The following ZNF804B variants were observed in gnomAD, a reference collection of about 807,000 sequenced individuals.
The protein encoded by ZNF804B is zinc finger 804B.
In ZNF804B, 80 loss-of-function variants were observed where a neutral mutation model predicts 101.4. The ratio of observed to expected loss-of-function variants is 0.79; its 90% confidence interval spans 0.66 to 0.95. ZNF804B has a LOEUF of 0.95. ZNF804B is among the 40% of genes least tolerant of loss of function. ZNF804B has a pLI of 0.00. For synonymous variants in ZNF804B, 622 were observed against 558.8 expected, an observed-to-expected ratio of 1.11 and a Z score of -1.59; for missense variants, 1,673 against 1,561.9, an observed-to-expected ratio of 1.07 and a Z score of -1.20.
At chr7:88,838,349 C>T (rs1053853880) in intron 1 of ZNF804B, among the ~76,000 whole-genome samples, 5 of 151,820 alleles carry the variant, frequency 3.3e-5, no homozygotes, top group African/African-American at 7.2e-5. Flanking sequence ...CAGACTGTCT[C>T]TCAAGTTTGT....
At chr7:89,132,893 C>T (rs937435735) in intron 1 of ZNF804B, among the ~76,000 whole-genome samples, 2 of 152,018 alleles carry the variant, frequency 1.3e-5, no homozygotes, top group African/African-American at 4.8e-5. Flanking sequence ...CATCATTTCT[C>T]TCACTTTAGA....
At chr7:89,290,618 C>A (rs534286665) in intron 2 of ZNF804B, among the ~76,000 whole-genome samples, 1 of 152,116 alleles carries the variant, frequency 6.6e-6, no homozygotes, top group African/African-American at 2.4e-5. Context: ...GCCATTACAC[C>A]TTTGGTAGTA....
intron 1 of ZNF804B, among the ~76,000 whole-genome samples, chr7:88,915,662 A>T (rs186589195): frequency 6.6e-6 from 1 of 152,066 alleles, no homozygotes; most frequent in East Asian, 1.9e-4. Flanking sequence ...TATTTTCAAT[A>T]GACAGAACTT....
intron 1 of ZNF804B, among the ~76,000 whole-genome samples, chr7:89,021,034 T>C (rs1788658697): frequency 6.6e-6 from 1 of 152,158 alleles, no homozygotes; most frequent in African/African-American, 2.4e-5. Context: ...TGCTTTTTAA[T>C]ATCTGAGGCA....
intron 1 of ZNF804B, among the ~76,000 whole-genome samples, chr7:89,092,373 G>T (rs185985220): frequency 1.4e-5 from 2 of 146,218 alleles, no homozygotes; most frequent in African/African-American, 5.1e-5. Flanking sequence ...GTTATACTTT[G>T]GATTTTACTC....
intron 2 of ZNF804B, among the ~76,000 whole-genome samples, chr7:89,290,431 T>C (rs1790271187): frequency 6.6e-6 from 1 of 152,148 alleles, no homozygotes; most frequent in Non-Finnish European, 1.5e-5. Context: ...GATTTCAAGC[T>C]TTGACTCTTT....
chr7:88,834,546 C>A (rs1015108771), intron 1 of ZNF804B, among the ~76,000 whole-genome samples: 2 of 151,364 alleles, frequency 1.3e-5, no homozygotes, highest in African/African-American at 4.8e-5. Context: ...CTTATGAACC[C>A]CTTCTGAGAT....
At position 89,171,277 on chromosome 7, in the gene ZNF804B, A is replaced by ATGC. The variant is rs55857746; in HGVS notation, c.109-46867_109-46865dup. 3.3e-3 allele frequency among the ~76,000 whole-genome samples: 364 copies of ATGC among 110,304 alleles called. 5 individuals are homozygous for ATGC. Among genetic ancestry groups the ATGC allele is most frequent in the South Asian group, 0.012 (36 of 3,060 alleles). 72.4% of individuals were successfully genotyped at this position (110,304 alleles called of 152,430 possible). Reference sequence around the variant, plus strand: ...TAACTCAATGAAGTAGGCACAAATAATGCTGCTGCTGCTTCTTCTTCTTCT... The same window carrying ATGC: ...TAACTCAATGAAGTAGGCACAAATAATGCTGCTGCTGCTGCTTCTTCTTCTTCT... On this transcript the variant is annotated intron_variant, in intron 1 of 3. Coordinates refer to ENST00000333190, the MANE Select transcript of ZNF804B (RefSeq NM_181646.5).
chr7:89,090,420 G>T (rs1789866283), intron 1 of ZNF804B, among the ~76,000 whole-genome samples: 1 of 152,082 alleles, frequency 6.6e-6, no homozygotes, highest in Admixed American at 6.6e-5. Context: ...GATGTGATTA[G>T]TTAGTTCCTC....
chr7:89,266,936 A>T (rs1429880435), intron 2 of ZNF804B, among the ~76,000 whole-genome samples: 1 of 151,702 alleles, frequency 6.6e-6, no homozygotes, highest in Non-Finnish European at 1.5e-5. Flanking sequence ...CTGAAATTGC[A>T]TACACTAAGT....
At chr7:89,251,628 A>G (rs13222491) in intron 2 of ZNF804B, among the ~76,000 whole-genome samples, 25,777 of 151,968 alleles carry the variant, frequency 0.17, 2,815 homozygotes, top group African/African-American at 0.3. Context: ...ATAAAAAGCC[A>G]AAATAGCTCT....
At chr7:88,970,749 T>A (rs963656332) in intron 1 of ZNF804B, among the ~76,000 whole-genome samples, 1 of 140,088 alleles carries the variant, frequency 7.1e-6, no homozygotes, top group East Asian at 2.1e-4. Flanking sequence ...GTTCTCACTC[T>A]TAGGTGGGAA....
At chr7:89,119,897 A>G (rs1225328113) in intron 1 of ZNF804B, among the ~76,000 whole-genome samples, 1 of 152,196 alleles carries the variant, frequency 6.6e-6, no homozygotes, top group Non-Finnish European at 1.5e-5. Flanking sequence ...ACATGCTCAT[A>G]TGGATAGCAA....
intron 2 of ZNF804B, among the ~76,000 whole-genome samples, chr7:89,280,883 G>T (rs542600547): frequency 6.6e-6 from 1 of 152,182 alleles, no homozygotes; most frequent in South Asian, 2.1e-4. Context: ...GAAAAAGAGG[G>T]AATCCTCCCT....
At chr7:89,166,187 C>A (rs982243778) in intron 1 of ZNF804B, among the ~76,000 whole-genome samples, 1 of 152,012 alleles carries the variant, frequency 6.6e-6, no homozygotes, top group Non-Finnish European at 1.5e-5. Flanking sequence ...CATTGGGATT[C>A]CAACATAAAG....
rs184254848 is a variant in ZNF804B at position 89,238,055 on chromosome 7, A to G, written c.249+19760A>G. On this transcript the variant is annotated intron_variant, in intron 2 of 3. Transcript: ENST00000333190. ...TCAAGTAAGGCAAAAAAGATTCAAA[A>G]TGCACGAATGAATGCAGGTAAGGAG... 2.6e-3 allele frequency among the ~76,000 whole-genome samples: 389 copies of G among 152,280 alleles called. 4 individuals carry two copies. The highest frequency in any genetic ancestry group is 8.9e-3 in the African/African-American group (369 of 41,572).
At position 89,221,046 on chromosome 7, in the gene ZNF804B, T is replaced by C. The variant is rs142511519; in HGVS notation, c.249+2751T>C. Reference sequence around the variant, plus strand: ...TCCTTCCATAAGGAGGCATATAATGTCTGGTTGTCTCTCTTTTTATAATCT... The same window carrying C: ...TCCTTCCATAAGGAGGCATATAATGCCTGGTTGTCTCTCTTTTTATAATCT... On this transcript the variant is annotated intron_variant, in intron 2 of 3. Coordinates refer to ENST00000333190, the MANE Select transcript of ZNF804B (RefSeq NM_181646.5). 3.8e-3 allele frequency among the ~76,000 whole-genome samples: 579 copies of C among 152,038 alleles called. 3 individuals are homozygous for C. The highest frequency in any genetic ancestry group is 0.013 in the African/African-American group (556 of 41,534).
chr7:88,816,383 G>C (rs940592689), intron 1 of ZNF804B, among the ~76,000 whole-genome samples: 2 of 152,080 alleles, frequency 1.3e-5, no homozygotes, highest in African/African-American at 4.8e-5. Context: ...TTGACAAATG[G>C]GATCTAATTA....
chr7:88,867,248 A>G (rs1034598250), intron 1 of ZNF804B, among the ~76,000 whole-genome samples: 3 of 152,198 alleles, frequency 2.0e-5, no homozygotes, highest in Non-Finnish European at 4.4e-5. Context: ...GAGACTGAGA[A>G]GTCTCATGAT....
Sources: allele counts gnomAD v4.1 joint callset (sites outside exome capture counted in the v4.1 genomes callset), GRCh38; gene constraint gnomAD v4.1.1; transcripts MANE v1.5; gene names NCBI Gene and HGNC (gene_info 2026-07-23, HGNC 2026-07-21).